Variants in PAX5 observed in about 807,000 individuals in gnomAD.
The protein encoded by PAX5 is paired box protein Pax-5.
PAX5 carries 9 observed loss-of-function variants against 43.7 expected under a neutral mutation model. That is an observed-to-expected ratio of 0.21 (90% CI 0.12 to 0.36). The LOEUF is 0.36. Ranked by LOEUF, PAX5 falls within the 10% of genes least tolerant of loss-of-function variation. The pLI, the probability that PAX5 is intolerant of heterozygous loss-of-function variation, is 1.00. For synonymous variants in PAX5, 228 were observed against 214.3 expected (o/e 1.06, Z -0.56); for missense variants, 383 against 532.7 (o/e 0.72, Z 2.77).
chr9:36,939,243 A>G (rs749441655), intron 6 of PAX5, among the ~76,000 whole-genome samples: 9 of 152,268 alleles, frequency 5.9e-5, no homozygotes, highest in Non-Finnish European at 1.2e-4. Flanking sequence ...CCTTTCATGA[A>G]ATATGTGTGG....
chr9:36,878,363 C>T (rs913915514), intron 8 of PAX5, among the ~76,000 whole-genome samples: 2 of 152,180 alleles, frequency 1.3e-5, no homozygotes, highest in African/African-American at 2.4e-5. Flanking sequence ...ATGGACGTGG[C>T]GTAGGGGGCT....
intron 6 of PAX5, among the ~76,000 whole-genome samples, chr9:36,959,990 G>A (rs1833818672): frequency 1.3e-5 from 2 of 152,346 alleles, no homozygotes; most frequent in South Asian, 2.1e-4. Context: ...TCAGAACAGA[G>A]CCAGGCATGC....
At chr9:36,881,710 G>A (rs1441078814) in intron 8 of PAX5, among the ~76,000 whole-genome samples, 1 of 151,946 alleles carries the variant, frequency 6.6e-6, no homozygotes, top group East Asian at 1.9e-4. Context: ...CCGGCTGGGT[G>A]ACCTGCAGCC....
Position 36,837,741 on chromosome 9 carries a change from CTG to C in PAX5, c.*2817_*2818del. ...GTTGTCTCACAAATACAAAACCAAT[CTG>C]AGGACCAGCAAAGCCTCAGGTGAGG... On this transcript the variant is annotated 3_prime_UTR_variant, in exon 10 of 10. Transcript: ENST00000358127. 1 of 233,406 alleles carries C rather than the reference CTG, an allele frequency of 4.3e-6. No individual in the cohort carries two copies. 14.5% of individuals were successfully genotyped at this position (233,406 alleles called of 1,614,324 possible).
chr9:36,994,083 A>AGTCCCAG (rs1837177511), intron 5 of PAX5, among the ~76,000 whole-genome samples: 1 of 152,152 alleles, frequency 6.6e-6, no homozygotes, highest in Non-Finnish European at 1.5e-5. Context: ...CCGAAACCTG[A>AGTCCCAG]GCCCCCACCC....
intron 7 of PAX5, among the ~76,000 whole-genome samples, chr9:36,906,921 G>A (rs1010375075): frequency 1.2e-4 from 18 of 152,142 alleles, no homozygotes; most frequent in Admixed American, 5.2e-4. Flanking sequence ...TTGAGAAACC[G>A]AGGTCACCAA....
chr9:36,945,234 T>C (rs571962097), intron 6 of PAX5, among the ~76,000 whole-genome samples: 1 of 150,878 alleles, frequency 6.6e-6, no homozygotes, highest in Non-Finnish European at 1.5e-5. Context: ...TTTTTTTTTT[T>C]AGTTTTTTGT....
At chr9:36,858,944 G>T (rs1472050952) in intron 8 of PAX5, among the ~76,000 whole-genome samples, 1 of 152,150 alleles carries the variant, frequency 6.6e-6, no homozygotes, top group Non-Finnish European at 1.5e-5. Flanking sequence ...CGCAGTGCTA[G>T]TCCCGACCTG....
chr9:37,002,513 C>G lies in PAX5; in HGVS notation c.604+135G>C, dbSNP rs958476506. ...TTTCCCGTGTTCACGAAAAGGACAG[C>G]GTGCGGGCCGGGGGACTCGCTCCTC... is the stretch of plus-strand genomic sequence containing the variant. On this transcript the variant is annotated intron_variant, in intron 5 of 9. Coordinates refer to ENST00000358127, the MANE Select transcript of PAX5 (RefSeq NM_016734.3). 9.1e-6 allele frequency: 8 copies of G among 882,378 alleles called. No homozygotes were observed. The African/African-American group carries it at 1.0e-4, about 11-fold the overall frequency. The allele number at this position is 882,378 out of a possible 1,614,324, so 54.7% of individuals were successfully genotyped here.
At chr9:36,967,393 T>C (rs1029503669) in intron 5 of PAX5, among the ~76,000 whole-genome samples, 2 of 152,188 alleles carry the variant, frequency 1.3e-5, no homozygotes, top group African/African-American at 4.8e-5. Flanking sequence ...TGAGAAGTGA[T>C]GTATGTACAA....
chr9:37,013,306 C>T (rs937584475), intron 3 of PAX5, among the ~76,000 whole-genome samples: 12 of 152,120 alleles, frequency 7.9e-5, no homozygotes, highest in African/African-American at 2.9e-4. Flanking sequence ...CTCTCCCCAT[C>T]GTCTTTTGCC....
At chr9:37,010,521 G>A (rs905587644) in intron 3 of PAX5, among the ~76,000 whole-genome samples, 1 of 152,098 alleles carries the variant, frequency 6.6e-6, no homozygotes, top group Non-Finnish European at 1.5e-5. Context: ...TAGAATTTGA[G>A]GTTTAAAACT....
chr9:36,868,134 G>T (rs957299971), intron 8 of PAX5, among the ~76,000 whole-genome samples: 6 of 152,248 alleles, frequency 3.9e-5, no homozygotes, highest in African/African-American at 1.4e-4. Flanking sequence ...CATTGTCTCA[G>T]CGTCTTCCTG....
intron 5 of PAX5, among the ~76,000 whole-genome samples, chr9:36,976,822 G>C (rs755855637): frequency 9.9e-5 from 15 of 152,198 alleles, no homozygotes; most frequent in Non-Finnish European, 2.2e-4. Context: ...GGCCCCAAGG[G>C]CTGGTGATTC....
At chr9:36,845,275 C>T (rs1822456202) in intron 9 of PAX5, among the ~76,000 whole-genome samples, 1 of 152,198 alleles carries the variant, frequency 6.6e-6, no homozygotes, top group Admixed American at 6.5e-5. Context: ...AGGTTTGGGC[C>T]TCAAGACTCA....
chr9:36,881,234 T>C (rs1466851550), intron 8 of PAX5, among the ~76,000 whole-genome samples: 1 of 152,210 alleles, frequency 6.6e-6, no homozygotes, highest in Admixed American at 6.5e-5. Context: ...TAAAAACTTT[T>C]AGAAATAATT....
intron 7 of PAX5, among the ~76,000 whole-genome samples, chr9:36,919,925 G>T (rs555551451): frequency 6.7e-6 from 1 of 149,882 alleles, no homozygotes; most frequent in Non-Finnish European, 1.5e-5. Flanking sequence ...GAGTTGGGAA[G>T]AAGTTGATTT....
chr9:36,944,416 C>T (rs1832330529), intron 6 of PAX5, among the ~76,000 whole-genome samples: 2 of 152,138 alleles, frequency 1.3e-5, no homozygotes, highest in African/African-American at 4.8e-5. Context: ...CAGGACGGCA[C>T]CCAGACAGCC....
chr9:36,840,999 C>T (rs764858172), intron 9 of PAX5, among the ~76,000 whole-genome samples: 2 of 152,222 alleles, frequency 1.3e-5, no homozygotes, highest in Non-Finnish European at 2.9e-5. Context: ...GCAACAGAGA[C>T]ACTGTGGCCT....
Sources: allele counts gnomAD v4.1 joint callset (sites outside exome capture counted in the v4.1 genomes callset), GRCh38; gene constraint gnomAD v4.1.1; transcripts MANE v1.5; gene names NCBI Gene and HGNC (gene_info 2026-07-23, HGNC 2026-07-21).